The following MYCBP2 variants were observed in gnomAD, a reference collection of about 807,000 sequenced individuals.
MYCBP2 encodes E3 ubiquitin-protein ligase MYCBP2.
Under a neutral mutation model 525.3 loss-of-function variants are expected in MYCBP2, and 120 were observed. The observed-to-expected ratio is 0.23, with a 90% CI of 0.20 to 0.27. The LOEUF (loss-of-function observed/expected upper bound fraction) is 0.27. MYCBP2 is among the 10% of genes least tolerant of loss of function. The probability of loss-of-function intolerance (pLI) is 1.00; values close to 1 mark genes in which losing one functional copy is unlikely to be tolerated. For synonymous variants in MYCBP2, 1,894 were observed against 1,955.8 expected, an observed-to-expected ratio of 0.97 and a Z score of 0.83; for missense variants, 4,149 against 5,657.1, an observed-to-expected ratio of 0.73 and a Z score of 8.55.
intron 3 of MYCBP2, 118 bp downstream of exon 3, chr13:77,288,040 GTGT>G: frequency 1.0e-6 from 1 of 969,072 alleles, no homozygotes; most frequent in Non-Finnish European, 1.5e-6. Flanking sequence ...CCCATAAGCC[GTGT>G]TATTTTTAGT....
chr13:77,106,774 G>A (rs142045136), intron 55 of MYCBP2, among the ~76,000 whole-genome samples: 5 of 151,844 alleles, frequency 3.3e-5, no homozygotes, highest in Non-Finnish European at 5.9e-5. Context: ...TAGGTTCAAG[G>A]GGGACATGTG....
intron 27 of MYCBP2, among the ~76,000 whole-genome samples, chr13:77,193,904 T>A (rs1176344253): frequency 6.6e-6 from 1 of 152,158 alleles, no homozygotes; most frequent in Non-Finnish European, 1.5e-5. Context: ...ATAAAATATA[T>A]GCATATTTCC....
chr13:77,200,206 T>C (rs2062327216), intron 26 of MYCBP2, among the ~76,000 whole-genome samples: 2 of 152,020 alleles, frequency 1.3e-5, no homozygotes, highest in South Asian at 2.1e-4. Flanking sequence ...AAGGAGCTGA[T>C]GGAGATGAAA....
rs2057980712 is a variant in MYCBP2, at chr13:77,161,958, G to A, written c.6548-3C>T. On this transcript the variant is annotated splice_region_variant and splice_polypyrimidine_tract_variant and intron_variant, in intron 43 of 82. Coordinates refer to ENST00000544440, the MANE Select transcript of MYCBP2 (RefSeq NM_015057.5). ...AAGGTCTTCTTCTAATTCATTACCT[G>A]TTGTGTAAATAAAGAGTTTTACTAA... is the stretch of plus-strand genomic sequence containing the variant. 1.3e-6 allele frequency: 2 copies of A among 1,594,838 alleles called. No individual in the cohort carries two copies. The highest frequency in any genetic ancestry group is 1.7e-6 in the Non-Finnish European group (2 of 1,167,418).
intron 2 of MYCBP2, among the ~76,000 whole-genome samples, chr13:77,295,336 G>A (rs1288665729): frequency 6.6e-6 from 1 of 152,092 alleles, no homozygotes; most frequent in Non-Finnish European, 1.5e-5. Flanking sequence ...GTTTCACCAT[G>A]TTGGCCAGGA....
In MYCBP2 at chr13:77,083,083, T is replaced by C; in HGVS notation, c.10985A>G (p.Asp3662Gly). ...TFHRLLQTIS[D>G]LMMSLPSGSS... ...GCCGCTGGGGAGAGACATCATAAGG[T>C]CTGAGATGGTCTGCAGCAAGCGGTG... The change falls in exon 63 of 83, where the codon GAC (aspartate) becomes GGC (glycine). Residue 3662 changes from aspartate (D) to glycine (G), a missense_variant. By Grantham distance (94) the Asp-to-Gly change is moderately conservative. Transcript: ENST00000544440. 6.2e-7 allele frequency: 1 copy of C among 1,613,506 alleles called. No individual in the cohort carries two copies. Among genetic ancestry groups the C allele is most frequent in the Non-Finnish European group, 8.5e-7 (1 of 1,179,662 alleles).
chr13:77,077,490 G>T lies in MYCBP2; in HGVS notation c.11485-103C>A, dbSNP rs1397353041. 4.4e-6 allele frequency: 6 copies of T among 1,376,132 alleles called. No individual in the cohort carries two copies. The East Asian group carries it at 1.4e-4, about 32-fold the overall frequency. 85.2% of individuals were successfully genotyped at this position (1,376,132 alleles called of 1,614,324 possible). ...CAGCAAGCTCAAATAACAAAGAATT[G>T]CACAGAGTAAAGGTTATGAGGTTAT... On this transcript the variant is annotated intron_variant, in intron 66 of 82. Transcript: ENST00000544440.
In MYCBP2 at chr13:77,309,995, C is replaced by T. The variant is rs550216059; in HGVS notation, c.303-13321G>A. On this transcript the variant is annotated intron_variant, in intron 1 of 82. Transcript: ENST00000544440. ...GGCGTGGTGGTGGGTGCCTGTAGTC[C>T]CTGCTATGTAGAAGGCTGAGGCAGA... Among the ~76,000 whole-genome samples, 23 of 152,092 alleles carry T rather than the reference C, an allele frequency of 1.5e-4. No individual in the cohort carries two copies. The South Asian group carries it at 4.4e-3, about 29-fold the overall frequency.
intron 79 of MYCBP2, 39 bp from the exon 80 acceptor site, chr13:77,055,806 A>G (rs1203121349): frequency 1.4e-6 from 2 of 1,465,354 alleles, no homozygotes. Context: ...AGAATCATTT[A>G]TTAACCAACT....
chr13:77,128,056 G>A lies in MYCBP2; in HGVS notation c.7660-1514C>T, dbSNP rs887293092. 3.3e-5 allele frequency among the ~76,000 whole-genome samples: 5 copies of A among 151,612 alleles called. No homozygotes were observed. The South Asian group carries it at 8.3e-4, about 25-fold the overall frequency. On this transcript the variant is annotated intron_variant, in intron 52 of 82. Coordinates refer to ENST00000544440, the MANE Select transcript of MYCBP2 (RefSeq NM_015057.5). ...ACTCAAAAAACTTAGATTTACAACC[G>A]AAAATAAATGTAAAATACGCATTTT...
intron 31 of MYCBP2, 74 bp from the exon 32 acceptor site, chr13:77,185,451 G>A: frequency 6.9e-7 from 1 of 1,441,446 alleles, no homozygotes; most frequent in East Asian, 2.3e-5. Flanking sequence ...ATATAATTCA[G>A]TAATTCCCTA....
chr13:77,262,702 T>C (rs929764294), intron 10 of MYCBP2, among the ~76,000 whole-genome samples: 1 of 152,016 alleles, frequency 6.6e-6, no homozygotes, highest in Non-Finnish European at 1.5e-5. Flanking sequence ...TATGTAAATA[T>C]GCATATACAC....
intron 46 of MYCBP2, among the ~76,000 whole-genome samples, chr13:77,155,104 TA>T (rs918645251): frequency 1.3e-5 from 2 of 152,114 alleles, no homozygotes; most frequent in Non-Finnish European, 2.9e-5. Flanking sequence ...AAGATACTGC[TA>T]AAAGACTGAT....
rs2051681532 is a variant in MYCBP2, at chr13:77,126,411, T to C, written c.7791A>G (p.Gly2597=). The C allele has an allele frequency of 3.7e-6, 6 of 1,614,002 alleles. No individual in the cohort carries two copies. The highest frequency in any genetic ancestry group is 5.1e-6 in the Non-Finnish European group (6 of 1,179,890). The part of the protein sequence containing the change: ...GPGMYKVVKT[G]PSGHNIRSCP... ...AGCTTCTGATGTTGTGACCTGAAGG[T>C]CCCGTCTTCACTACCTTGTACATGC... The change falls in exon 53 of 83, where the codon GGA becomes GGG. Residue 2597 remains glycine (G), a synonymous_variant. Transcript: ENST00000544440.
Position 77,141,122 on chromosome 13 carries a change from C to T in MYCBP2, c.7304-179G>A, listed in dbSNP as rs1227606881. ...ACAAGAGAAATATTTTAAAAATGGC[C>T]CTGAGATTCTAAAGGAATGTCTCAG... On this transcript the variant is annotated intron_variant, in intron 49 of 82. Transcript: ENST00000544440. 2.6e-5 allele frequency among the ~76,000 whole-genome samples: 4 copies of T among 151,876 alleles called. No individual in the cohort carries two copies. In the East Asian group the frequency reaches 7.7e-4, roughly 29 times the overall value.
At chr13:77,075,201 C>G (rs752811010) in intron 68 of MYCBP2, among the ~76,000 whole-genome samples, 6 of 151,990 alleles carry the variant, frequency 3.9e-5, no homozygotes, top group Admixed American at 1.3e-4. Flanking sequence ...GAGAGAGACC[C>G]GGTCTCAAGC....
intron 71 of MYCBP2, among the ~76,000 whole-genome samples, chr13:77,067,215 A>T (rs972524339): frequency 6.6e-6 from 1 of 152,228 alleles, no homozygotes; most frequent in African/African-American, 2.4e-5. Context: ...AGAAATGTAC[A>T]TAAAGCTTTA....
chr13:77,237,824 C>T (rs979878576), intron 17 of MYCBP2, among the ~76,000 whole-genome samples: 1 of 152,084 alleles, frequency 6.6e-6, no homozygotes, highest in Non-Finnish European at 1.5e-5. Context: ...CTTACTTATA[C>T]TCTCTAAATT....
chr13:77,087,951 T>A (rs2154115312), intron 61 of MYCBP2, among the ~76,000 whole-genome samples: 1 of 151,994 alleles, frequency 6.6e-6, no homozygotes, highest in South Asian at 2.1e-4. Flanking sequence ...CAGCTGATTT[T>A]AAAACTTTTT....
Sources: gnomAD v4.1 joint callset for allele counts (sites outside exome capture counted in the v4.1 genomes callset) on GRCh38, gnomAD v4.1.1 for gene constraint, MANE v1.5 for transcripts, NCBI Gene and HGNC (gene_info 2026-07-23, HGNC 2026-07-21) for gene names.